CEP128: variants seen among roughly 807,000 people sequenced by gnomAD.
CEP128 encodes the protein centrosomal protein 128kDa.
CEP128 carries 132 observed loss-of-function variants against 156.7 expected under a neutral mutation model. The observed-to-expected ratio is 0.84, with a 90% CI of 0.73 to 0.97. The LOEUF (loss-of-function observed/expected upper bound fraction) is 0.97, where lower values mean the gene tolerates loss of function less well. Among genes scored for constraint, CEP128 ranks in the 50% least tolerant of loss-of-function variants. The pLI is 0.00. For missense variants in CEP128, 1,252 were observed against 1,281.9 expected (o/e 0.98, Z 0.36); for synonymous variants, 469 against 448.9 (o/e 1.04, Z -0.57).
At chr14:80,873,949 C>T (rs1888152129) in intron 8 of CEP128, among the ~76,000 whole-genome samples, 1 of 152,138 alleles carries the variant, frequency 6.6e-6, no homozygotes, top group South Asian at 2.1e-4. Flanking sequence ...CTGGCTTTCT[C>T]CTCCTTGCCT....
At chr14:80,661,379 C>T (rs1398295828) in intron 19 of CEP128, among the ~76,000 whole-genome samples, 1 of 152,120 alleles carries the variant, frequency 6.6e-6, no homozygotes, top group East Asian at 1.9e-4. Context: ...TTCAAGAGTA[C>T]TTTAAAGATA....
intron 21 of CEP128, among the ~76,000 whole-genome samples, chr14:80,556,665 T>C (rs1169308574): frequency 1.3e-5 from 2 of 152,148 alleles, no homozygotes; most frequent in African/African-American, 4.8e-5. Context: ...AAAATCAATC[T>C]ACTGTAAATA....
intron 11 of CEP128, 149 bp downstream of exon 11, chr14:80,838,055 C>T: frequency 1.8e-6 from 1 of 552,868 alleles, no homozygotes; most frequent in Non-Finnish European, 3.2e-6. Context: ...AGAATTTTAT[C>T]CTTTGCTTAG....
chr14:80,840,399 A>C (rs957143094), intron 10 of CEP128, among the ~76,000 whole-genome samples: 2 of 152,194 alleles, frequency 1.3e-5, no homozygotes, highest in Non-Finnish European at 2.9e-5. Flanking sequence ...ACCCTGCAAC[A>C]AAGTCAAGTT....
intron 19 of CEP128, among the ~76,000 whole-genome samples, chr14:80,733,148 A>G (rs1298532641): frequency 6.6e-6 from 1 of 152,190 alleles, no homozygotes; most frequent in African/African-American, 2.4e-5. Context: ...CTCCCTCTGC[A>G]TGAACGTCTT....
Position 80,528,022 on chromosome 14 carries a change from G to A in CEP128, c.2959-1040C>T, listed in dbSNP as rs564219594. On this transcript the variant is annotated intron_variant, in intron 22 of 24. Transcript: ENST00000555265. ...GATTTTGGTATGTAAAAAAAAACAC[G>A]TACGGATTTAGTGTCCCTCAAAGTC... Among the ~76,000 whole-genome samples the A allele has an allele frequency of 3.9e-5, 6 of 151,984 alleles. No homozygotes were observed. In the South Asian group the frequency reaches 8.3e-4, roughly 21 times the overall value.
chr14:80,916,097 G>A (rs1884535685), intron 3 of CEP128, among the ~76,000 whole-genome samples: 1 of 152,178 alleles, frequency 6.6e-6, no homozygotes, highest in Non-Finnish European at 1.5e-5. Context: ...TGGCTTTGAA[G>A]ATGAGGGAAG....
chr14:80,525,584 G>A (rs1055554924), intron 23 of CEP128, among the ~76,000 whole-genome samples: 3 of 152,178 alleles, frequency 2.0e-5, no homozygotes, highest in African/African-American at 7.2e-5. Flanking sequence ...GCTTGAGTTT[G>A]TAGGACTTGA....
At chr14:80,649,449 T>C (rs1258393904) in intron 19 of CEP128, among the ~76,000 whole-genome samples, 1 of 151,360 alleles carries the variant, frequency 6.6e-6, no homozygotes, top group African/African-American at 2.4e-5. Context: ...GAATGCTGAG[T>C]GAATAAAAGA....
chr14:80,938,613 G>A lies in CEP128; in HGVS notation c.-16+772C>T, dbSNP rs570689755. ...TATGTTTCAGAGCCTTTTATCTATCGAGCACAATATGAAATCCAAAAAAAG... is the reference window on the plus strand; with the variant it reads ...TATGTTTCAGAGCCTTTTATCTATCAAGCACAATATGAAATCCAAAAAAAG... On this transcript the variant is annotated intron_variant, in intron 2 of 24. Transcript: ENST00000555265. Among the ~76,000 whole-genome samples, 42 of 151,978 alleles carry A rather than the reference G, an allele frequency of 2.8e-4. No individual in the cohort carries two copies. The East Asian group carries it at 5.0e-3, about 18-fold the overall frequency.
At chr14:80,729,128 T>TGTGTGTGTGTGTGTGTGTGTGTGTGTGTG (rs1244814152) in intron 19 of CEP128, among the ~76,000 whole-genome samples, 12 of 123,906 alleles carry the variant, frequency 9.7e-5, no homozygotes, top group South Asian at 2.7e-4. Context: ...TGTGTGTGTG[T>TGTGTGTGTGTGTGTGTGTGTGTGTGTGTG]TTACCCAGTG....
intron 13 of CEP128, among the ~76,000 whole-genome samples, chr14:80,800,854 T>C (rs1883801383): frequency 6.6e-6 from 1 of 152,198 alleles, no homozygotes; most frequent in Non-Finnish European, 1.5e-5. Flanking sequence ...TGCTATTAAC[T>C]ATTAGAAACC....
At chr14:80,865,668 C>A (rs555680141) in intron 8 of CEP128, among the ~76,000 whole-genome samples, 2 of 152,050 alleles carry the variant, frequency 1.3e-5, no homozygotes, top group Admixed American at 1.3e-4. Flanking sequence ...TATTAGATTG[C>A]AAAAAACTGA....
chr14:80,750,689 A>G (rs530314241), intron 18 of CEP128, among the ~76,000 whole-genome samples: 7 of 152,306 alleles, frequency 4.6e-5, no homozygotes, highest in African/African-American at 1.7e-4. Flanking sequence ...TACTCCTAAG[A>G]GATGGTAATG....
chr14:80,480,975 C>A (rs1486577705), intron 14 of CEP128, among the ~76,000 whole-genome samples: 3 of 152,188 alleles, frequency 2.0e-5, no homozygotes, highest in African/African-American at 7.2e-5. Flanking sequence ...CAACATGTCT[C>A]TAGGAAGTTC....
intron 19 of CEP128, among the ~76,000 whole-genome samples, chr14:80,603,579 G>T (rs1275422272): frequency 6.6e-6 from 1 of 152,176 alleles, no homozygotes; most frequent in Non-Finnish European, 1.5e-5. Flanking sequence ...TCTGGGATCA[G>T]TCACATGGGT....
chr14:80,905,920 T>C, intron 5 of CEP128, 35 bp downstream of exon 5: 1 of 1,601,700 alleles, frequency 6.2e-7, no homozygotes, highest in Non-Finnish European at 8.5e-7. Flanking sequence ...TTCAAAAATA[T>C]TTTTAATGTT....
At chr14:80,589,905 T>C (rs1891976807) in intron 19 of CEP128, among the ~76,000 whole-genome samples, 1 of 152,160 alleles carries the variant, frequency 6.6e-6, no homozygotes, top group African/African-American at 2.4e-5. Flanking sequence ...AGAATGTAGA[T>C]GCCAATAAAT....
chr14:80,706,595 AT>A (rs1282852801), intron 19 of CEP128, among the ~76,000 whole-genome samples: 3 of 152,132 alleles, frequency 2.0e-5, no homozygotes, highest in Non-Finnish European at 2.9e-5. Context: ...TATCTCCAGT[AT>A]TCAAAAGTTT....
Sources: allele counts gnomAD v4.1 joint callset (sites outside exome capture counted in the v4.1 genomes callset), GRCh38; gene constraint gnomAD v4.1.1; transcripts MANE v1.5; gene names NCBI Gene and HGNC (gene_info 2026-07-23, HGNC 2026-07-21).